Variants in WWOX observed in about 807,000 individuals in gnomAD.
WWOX encodes the protein WW domain-containing oxidoreductase.
In WWOX, 69 loss-of-function variants were observed where a neutral mutation model predicts 46.2. That is an observed-to-expected ratio of 1.49 (90% CI 1.23 to 1.82). The LOEUF (loss-of-function observed/expected upper bound fraction) is 1.82, where lower values mean the gene tolerates loss of function less well. Among genes scored for constraint, WWOX ranks in the 40% most tolerant of loss-of-function variants. The probability of loss-of-function intolerance (pLI) is 0.00; values close to 1 mark genes in which losing one functional copy is unlikely to be tolerated. For missense variants in WWOX, 919 were observed against 542.6 expected, an observed-to-expected ratio of 1.69 and a Z score of -6.89; for synonymous variants, 359 against 202.6, an observed-to-expected ratio of 1.77 and a Z score of -6.56.
rs1179950945 is a variant in WWOX at position 78,333,708 on chromosome 16, A to G, written c.517-53152A>G. On this transcript the variant is annotated intron_variant, in intron 5 of 8. Transcript: ENST00000566780. ...TATATGTTTGTATATATGTATGTAC[A>G]TAGACTTGATACACATGAAATAAAA... Among the ~76,000 whole-genome samples the G allele has an allele frequency of 2.0e-5, 3 of 152,208 alleles. No homozygotes were observed. The East Asian group carries it at 5.8e-4, about 29-fold the overall frequency.
intron 5 of WWOX, among the ~76,000 whole-genome samples, chr16:78,354,453 C>A (rs1048410378): frequency 6.6e-6 from 1 of 151,854 alleles, no homozygotes. Context: ...CTCATTACTG[C>A]AGTTTAATTT....
intron 8 of WWOX, among the ~76,000 whole-genome samples, chr16:78,771,772 A>ACAAT (rs1226553407): frequency 1.0e-5 from 1 of 95,532 alleles, no homozygotes; most frequent in Non-Finnish European, 2.2e-5. Flanking sequence ...ACTCTGTCTC[A>ACAAT]CAATAAATAA....
intron 8 of WWOX, among the ~76,000 whole-genome samples, chr16:79,004,891 G>T (rs530461205): frequency 6.6e-5 from 10 of 152,200 alleles, no homozygotes; most frequent in African/African-American, 1.9e-4. Context: ...ATTTTGGGGG[G>T]GTTAATTTCA....
chr16:79,117,604 A>G (rs369553086), intron 8 of WWOX, among the ~76,000 whole-genome samples: 9 of 152,374 alleles, frequency 5.9e-5, no homozygotes, highest in African/African-American at 2.2e-4. Context: ...TCAAAGTCCT[A>G]GACAGCATCT....
At chr16:78,374,842 A>C (rs1411706869) in intron 5 of WWOX, among the ~76,000 whole-genome samples, 1 of 151,342 alleles carries the variant, frequency 6.6e-6, no homozygotes, top group Non-Finnish European at 1.5e-5. Flanking sequence ...GAGTCTCCGC[A>C]CCCGGCCCTG....
chr16:78,824,211 C>G (rs568654100), intron 8 of WWOX, among the ~76,000 whole-genome samples: 1 of 152,198 alleles, frequency 6.6e-6, no homozygotes, highest in Admixed American at 6.5e-5. Flanking sequence ...TTTTTATAAA[C>G]AGTCCACTCC....
chr16:79,030,318 G>A (rs951261960), intron 8 of WWOX, among the ~76,000 whole-genome samples: 2 of 152,110 alleles, frequency 1.3e-5, no homozygotes, highest in African/African-American at 2.4e-5. Flanking sequence ...CAGTGCGTAC[G>A]CAGATCTTCT....
intron 8 of WWOX, among the ~76,000 whole-genome samples, chr16:78,783,754 T>G (rs139609019): frequency 6.6e-6 from 1 of 151,964 alleles, no homozygotes; most frequent in Non-Finnish European, 1.5e-5. Context: ...GTGATGGTGA[T>G]GATGGTAGTA....
chr16:78,654,876 C>A (rs759089922), intron 8 of WWOX, among the ~76,000 whole-genome samples: 6 of 151,772 alleles, frequency 4.0e-5, no homozygotes, highest in Admixed American at 6.6e-5. Context: ...CAAATTTTTT[C>A]TTGGTGGGGG....
At chr16:78,308,714 C>T (rs927427099) in intron 5 of WWOX, among the ~76,000 whole-genome samples, 9 of 152,154 alleles carry the variant, frequency 5.9e-5, no homozygotes, top group African/African-American at 1.7e-4. Flanking sequence ...AGATATTTAC[C>T]ATTTATTCTC....
intron 5 of WWOX, among the ~76,000 whole-genome samples, chr16:78,273,664 G>A (rs566050781): frequency 8.5e-5 from 13 of 152,320 alleles, no homozygotes; most frequent in African/African-American, 3.1e-4. Flanking sequence ...AGTGATTGCA[G>A]TGAGTACAGG....
At chr16:78,830,325 T>C (rs2051783323) in intron 8 of WWOX, among the ~76,000 whole-genome samples, 2 of 151,104 alleles carry the variant, frequency 1.3e-5, no homozygotes, top group African/African-American at 2.4e-5. Context: ...TATATACACA[T>C]AAAACATATA....
At chr16:78,205,391 T>TC (rs78262238) in intron 5 of WWOX, among the ~76,000 whole-genome samples, 20,195 of 152,118 alleles carry the variant, frequency 0.13, 1,671 homozygotes, top group Non-Finnish European at 0.18. Flanking sequence ...CATTCTTCTA[T>TC]CCATCCAACC....
chr16:78,802,713 C>G (rs2050922563), intron 8 of WWOX, among the ~76,000 whole-genome samples: 1 of 151,462 alleles, frequency 6.6e-6, no homozygotes, highest in Admixed American at 6.6e-5. Flanking sequence ...GTCAGGAGTT[C>G]AAGATCAGCC....
intron 8 of WWOX, among the ~76,000 whole-genome samples, chr16:79,005,820 C>G (rs1161866718): frequency 4.6e-5 from 7 of 152,168 alleles, no homozygotes; most frequent in Non-Finnish European, 8.8e-5. Flanking sequence ...CCCTTTCAGG[C>G]CACCATATAT....
At chr16:79,011,239 A>G (rs907831265) in intron 8 of WWOX, among the ~76,000 whole-genome samples, 3 of 151,560 alleles carry the variant, frequency 2.0e-5, no homozygotes, top group Non-Finnish European at 2.9e-5. Flanking sequence ...CTTAGCAGGC[A>G]TCTTCTGAGA....
intron 8 of WWOX, among the ~76,000 whole-genome samples, chr16:79,029,290 C>G (rs2047707181): frequency 1.3e-5 from 2 of 152,104 alleles, no homozygotes; most frequent in South Asian, 4.1e-4. Context: ...TTTCTTACAT[C>G]CTCAGCTGCA....
chr16:78,177,341 T>C (rs569025640), intron 5 of WWOX, among the ~76,000 whole-genome samples: 1 of 152,284 alleles, frequency 6.6e-6, no homozygotes, highest in Non-Finnish European at 1.5e-5. Flanking sequence ...TGACACAAGA[T>C]AGTCTAGAAG....
At chr16:78,734,395 A>G (rs1042551984) in intron 8 of WWOX, among the ~76,000 whole-genome samples, 2 of 152,158 alleles carry the variant, frequency 1.3e-5, no homozygotes, top group Non-Finnish European at 2.9e-5. Flanking sequence ...CTTCCCTATG[A>G]TAGCCCTAAT....
Sources: allele counts gnomAD v4.1 joint callset (sites outside exome capture counted in the v4.1 genomes callset), GRCh38; gene constraint gnomAD v4.1.1; transcripts MANE v1.5; gene names NCBI Gene and HGNC (gene_info 2026-07-23, HGNC 2026-07-21).